The following TMCO5A variants were observed in gnomAD, a reference collection of about 807,000 sequenced individuals.
The protein encoded by TMCO5A is transmembrane and coiled-coil domains 5A.
A neutral mutation model predicts 42.3 loss-of-function variants in TMCO5A; 34 were observed. The ratio of observed to expected loss-of-function variants is 0.80; its 90% confidence interval spans 0.61 to 1.07. The LOEUF (loss-of-function observed/expected upper bound fraction) is 1.07, where lower values mean the gene tolerates loss of function less well. Ranked by LOEUF, TMCO5A falls within the 50% of genes least tolerant of loss-of-function variation. The pLI is 0.00. For synonymous variants in TMCO5A, 131 were observed against 115.6 expected (o/e 1.13, Z -0.86); for missense variants, 357 against 327.9 (o/e 1.09, Z -0.69).
chr15:37,938,248 C>G lies in TMCO5A; in HGVS notation c.387+19C>G. ...GACAAAGGTAAATGAAAAAAACAAT[C>G]CTAAATGTGGTTGGGCTATGTAACC... On this transcript the variant is annotated intron_variant, in intron 6 of 11. Coordinates refer to ENST00000319669, the MANE Select transcript of TMCO5A (RefSeq NM_152453.4). 6.4e-7 allele frequency: 1 copy of G among 1,551,400 alleles called. No homozygotes were observed. Among genetic ancestry groups the G allele is most frequent in the Non-Finnish European group, 8.7e-7 (1 of 1,144,724 alleles).
chr15:37,971,134 T>C (rs145760997), downstream of TMCO5A, among the ~76,000 whole-genome samples: 2,436 of 152,318 alleles, frequency 0.016, 73 homozygotes, highest in African/African-American at 0.055. Flanking sequence ...CCCGCCCCTG[T>C]AGCAAACTTC....
chr15:37,994,318 G>A, the TMCO5A span, among the ~76,000 whole-genome samples: 18 of 152,166 alleles, frequency 1.2e-4, no homozygotes, highest in African/African-American at 4.3e-4. Flanking sequence ...ATCCGGCTAA[G>A]AGAGTCAGGA....
chr15:38,001,480 G>A, the TMCO5A span, among the ~76,000 whole-genome samples: 3 of 148,656 alleles, frequency 2.0e-5, no homozygotes, highest in Non-Finnish European at 4.5e-5. Context: ...ATGTCTTTTG[G>A]TTGGAGAGTT....
At chr15:38,025,198 TGTGG>T in the TMCO5A span, among the ~76,000 whole-genome samples, 61 of 135,782 alleles carry the variant, frequency 4.5e-4, no homozygotes, top group African/African-American at 1.5e-3. Flanking sequence ...TGTGTGTGTG[TGTGG>T]AAGCAGAAAA....
downstream of TMCO5A, among the ~76,000 whole-genome samples, chr15:37,971,733 A>G (rs1051897261): frequency 6.6e-6 from 1 of 152,126 alleles, no homozygotes; most frequent in African/African-American, 2.4e-5. Flanking sequence ...AGTTCCACAA[A>G]TCTCTAGGGC....
At chr15:38,038,093 A>T in the TMCO5A span, among the ~76,000 whole-genome samples, 1 of 152,096 alleles carries the variant, frequency 6.6e-6, no homozygotes, top group Non-Finnish European at 1.5e-5. Context: ...AACATTCCTC[A>T]CCATCCTATT....
chr15:38,037,123 A>G, the TMCO5A span, among the ~76,000 whole-genome samples: 1 of 152,238 alleles, frequency 6.6e-6, no homozygotes, highest in African/African-American at 2.4e-5. Context: ...TGGAAATACC[A>G]GCGAGGTGTT....
At chr15:37,944,630 T>C (rs1173256939) in intron 10 of TMCO5A, among the ~76,000 whole-genome samples, 4 of 152,082 alleles carry the variant, frequency 2.6e-5, no homozygotes, top group Non-Finnish European at 5.9e-5. Flanking sequence ...AGATGAAGTC[T>C]CACTATGTTG....
chr15:37,993,783 G>A, the TMCO5A span, among the ~76,000 whole-genome samples: 1 of 152,104 alleles, frequency 6.6e-6, no homozygotes, highest in African/African-American at 2.4e-5. Context: ...GAAGGACAGG[G>A]CTTTGAGGCT....
chr15:37,968,316 C>A (rs539342150), downstream of TMCO5A, among the ~76,000 whole-genome samples: 35 of 152,162 alleles, frequency 2.3e-4, no homozygotes, highest in Admixed American at 1.3e-4. Context: ...GGAGATCCAC[C>A]CCTTTGGAGG....
At chr15:37,971,558 G>A (rs1293686021), downstream of TMCO5A, among the ~76,000 whole-genome samples, 1 of 152,152 alleles carries the variant, frequency 6.6e-6, no homozygotes, top group Non-Finnish European at 1.5e-5. Flanking sequence ...CTCAGAAAAT[G>A]GGATTTTCTT....
At chr15:37,939,063 A>C (rs911133981) in intron 6 of TMCO5A, among the ~76,000 whole-genome samples, 1 of 152,150 alleles carries the variant, frequency 6.6e-6, no homozygotes, top group Non-Finnish European at 1.5e-5. Context: ...GGTTTGTTAC[A>C]TAGGTATACA....
intron 1 of TMCO5A, among the ~76,000 whole-genome samples, 160 bp from the exon 2 acceptor site, chr15:37,935,097 C>G (rs946146084): frequency 6.6e-6 from 1 of 151,994 alleles, no homozygotes; most frequent in Admixed American, 6.6e-5. Flanking sequence ...GCAGAAGAAT[C>G]AAAAGGCTGA....
the TMCO5A span, among the ~76,000 whole-genome samples, chr15:37,998,317 A>G: frequency 6.6e-6 from 1 of 152,162 alleles, no homozygotes; most frequent in Admixed American, 6.5e-5. Context: ...TTCTTTTAGT[A>G]GTTTCATAGT....
At chr15:38,031,973 T>A in the TMCO5A span, among the ~76,000 whole-genome samples, 1 of 151,708 alleles carries the variant, frequency 6.6e-6, no homozygotes, top group Admixed American at 6.6e-5. Context: ...TTTTTTTTTT[T>A]AGATGGAATT....
chr15:37,993,693 C>G, the TMCO5A span, among the ~76,000 whole-genome samples: 10 of 152,184 alleles, frequency 6.6e-5, no homozygotes, highest in African/African-American at 2.2e-4. Flanking sequence ...GAGGGTGTAA[C>G]AATGGCTGCC....
chr15:38,017,088 T>A, the TMCO5A span, among the ~76,000 whole-genome samples: 4 of 152,108 alleles, frequency 2.6e-5, no homozygotes, highest in East Asian at 7.7e-4. Flanking sequence ...TTTTTTTCTT[T>A]GCATTGCTTC....
At chr15:37,948,051 T>C (rs944806303) in intron 11 of TMCO5A, among the ~76,000 whole-genome samples, 3 of 152,204 alleles carry the variant, frequency 2.0e-5, no homozygotes, top group Admixed American at 6.6e-5. Context: ...CCTAGTACCA[T>C]TGGTAGATTA....
chr15:38,021,036 C>T, the TMCO5A span, among the ~76,000 whole-genome samples: 6 of 152,074 alleles, frequency 3.9e-5, no homozygotes, highest in South Asian at 1.0e-3. Flanking sequence ...ATTTGCATTC[C>T]GGGTATTTAA....
Sources: allele counts gnomAD v4.1 joint callset (sites outside exome capture counted in the v4.1 genomes callset), GRCh38; gene constraint gnomAD v4.1.1; transcripts MANE v1.5; gene names NCBI Gene and HGNC (gene_info 2026-07-23, HGNC 2026-07-21).